Variants in NTM observed in about 807,000 individuals in gnomAD.
NTM encodes the protein neurotrimin, also known as IgLON family member 2.
NTM carries 13 observed loss-of-function variants against 42.1 expected under a neutral mutation model. The ratio of observed to expected loss-of-function variants is 0.31; its 90% CI spans 0.20 to 0.49. The LOEUF (loss-of-function observed/expected upper bound fraction) is 0.49. Among genes scored for constraint, NTM ranks in the 20% least tolerant of loss-of-function variants. The pLI, the probability that NTM is intolerant of heterozygous loss-of-function variation, is 0.99. For synonymous variants in NTM, 187 were observed against 179.2 expected (o/e 1.04, Z -0.35); for missense variants, 373 against 452.8 (o/e 0.82, Z 1.60).
intron 1 of NTM, chr11:131,537,704 A>C (rs973719549): frequency 2.6e-5 from 4 of 152,332 alleles, no homozygotes; most frequent in African/African-American, 9.6e-5. Flanking sequence ...CTGCAGCTGG[A>C]ATGCTCTACC....
chr11:131,791,441 A>C (rs191470407), intron 1 of NTM, among the ~76,000 whole-genome samples: 4 of 152,244 alleles, frequency 2.6e-5, no homozygotes, highest in African/African-American at 4.8e-5. Flanking sequence ...CAATATATGC[A>C]TACAGAGAAA....
chr11:131,495,946 G>T (rs370019340), intron 1 of NTM, among the ~76,000 whole-genome samples: 2 of 152,210 alleles, frequency 1.3e-5, no homozygotes, highest in South Asian at 2.1e-4. Context: ...AGGATGTTGA[G>T]GGTTTGAAAA....
At chr11:132,236,765 C>T (rs953670323) in intron 4 of NTM, among the ~76,000 whole-genome samples, 4 of 152,200 alleles carry the variant, frequency 2.6e-5, no homozygotes, top group Non-Finnish European at 5.9e-5. Flanking sequence ...GCCACTCTCA[C>T]CCGTGGCAGT....
intron 2 of NTM, among the ~76,000 whole-genome samples, chr11:132,124,354 A>G (rs928284121): frequency 5.3e-5 from 8 of 152,154 alleles, no homozygotes; most frequent in African/African-American, 1.7e-4. Flanking sequence ...CTCAGTCTGC[A>G]GGGAGAGACA....
intron 4 of NTM, among the ~76,000 whole-genome samples, chr11:132,229,868 C>G (rs1050179464): frequency 6.6e-6 from 1 of 152,162 alleles, no homozygotes; most frequent in Non-Finnish European, 1.5e-5. Flanking sequence ...AGCCATTCAC[C>G]CTCTTTTGCC....
intron 1 of NTM, among the ~76,000 whole-genome samples, chr11:131,803,407 C>G (rs888280063): frequency 6.6e-6 from 1 of 151,742 alleles, no homozygotes; most frequent in Admixed American, 6.6e-5. Context: ...CTCCTGGGTT[C>G]AAGCAATTCT....
intron 1 of NTM, among the ~76,000 whole-genome samples, chr11:131,681,200 A>AGC (rs1565416756): frequency 3.5e-4 from 9 of 25,440 alleles, no homozygotes; most frequent in South Asian, 1.7e-3. Flanking sequence ...TGTGTATGTG[A>AGC]GTGTGTGTTT....
intron 1 of NTM, among the ~76,000 whole-genome samples, chr11:131,542,842 C>T (rs2053460868): frequency 6.6e-6 from 1 of 152,146 alleles, no homozygotes; most frequent in Admixed American, 6.5e-5. Context: ...AGTCTTTGTC[C>T]CACGTGAGAG....
chr11:131,424,506 AC>A (rs1228223109), intron 1 of NTM, among the ~76,000 whole-genome samples: 1 of 151,302 alleles, frequency 6.6e-6, no homozygotes, highest in African/African-American at 2.4e-5. Context: ...GATCTGATTG[AC>A]CTGTGAAGCA....
intron 4 of NTM, chr11:132,306,243 T>C (rs973089086): frequency 2.6e-5 from 4 of 152,204 alleles, no homozygotes; most frequent in Non-Finnish European, 4.4e-5. Context: ...ACACATACAA[T>C]CATCCCTTAC....
At chr11:131,814,204 C>A (rs1031788773) in intron 1 of NTM, among the ~76,000 whole-genome samples, 2 of 152,176 alleles carry the variant, frequency 1.3e-5, no homozygotes, top group Non-Finnish European at 2.9e-5. Context: ...GGTCCCTATT[C>A]TCTGCTGGCC....
At chr11:131,861,807 G>T (rs541267525) in intron 1 of NTM, among the ~76,000 whole-genome samples, 7 of 152,330 alleles carry the variant, frequency 4.6e-5, no homozygotes, top group Admixed American at 1.3e-4. Flanking sequence ...AGTGCTACCA[G>T]CTGGTGCAGA....
At chr11:131,864,302 T>C (rs185704532) in intron 1 of NTM, among the ~76,000 whole-genome samples, 129 of 151,994 alleles carry the variant, frequency 8.5e-4, no homozygotes, top group Admixed American at 1.8e-3. Context: ...CTTTGCTTAA[T>C]GCGGGCTTCT....
chr11:131,943,925 A>T (rs2060076351), intron 2 of NTM, among the ~76,000 whole-genome samples: 1 of 151,564 alleles, frequency 6.6e-6, no homozygotes, highest in Non-Finnish European at 1.5e-5. Context: ...CTAAAAGGAA[A>T]AAAAAAAATA....
intron 2 of NTM, among the ~76,000 whole-genome samples, chr11:132,004,412 A>C (rs571842966): frequency 6.6e-6 from 1 of 152,256 alleles, no homozygotes; most frequent in South Asian, 2.1e-4. Context: ...ATCCCTGTGC[A>C]AATGCATTTT....
chr11:131,850,710 G>A (rs1293291425), intron 1 of NTM, among the ~76,000 whole-genome samples: 1 of 152,298 alleles, frequency 6.6e-6, no homozygotes, highest in African/African-American at 2.4e-5. Context: ...GTGACGACAA[G>A]GTCACCAGGT....
intron 4 of NTM, among the ~76,000 whole-genome samples, chr11:132,282,976 C>CTTTTTTTTTTTTTTCTTTTTTTTTTTTT (rs2094044309): frequency 9.2e-6 from 1 of 109,012 alleles, no homozygotes; most frequent in Non-Finnish European, 1.8e-5. Flanking sequence ...TCCTTTATTC[C>CTTTTTTTTTTTTTTCTTTTTTTTTTTTT]TTTTTTTTTT....
chr11:131,683,500 G>GGGA (rs1245788826), intron 1 of NTM, among the ~76,000 whole-genome samples: 4 of 152,340 alleles, frequency 2.6e-5, no homozygotes, highest in African/African-American at 9.6e-5. Flanking sequence ...GGAGGTGAAG[G>GGGA]GGAGGAGGCA....
Position 131,552,565 on chromosome 11 carries a change from C to T in NTM, c.82+181677C>T, listed in dbSNP as rs146725593. On this transcript the variant is annotated intron_variant, in intron 1 of 8. Transcript: ENST00000683400. The stretch of plus-strand genomic sequence containing the variant: ...GCGCGGTGGCTCACAACTGTAATCC[C>T]AGCACTTTGGGAGGCTGAGGCAGGT... 6.8e-3 allele frequency among the ~76,000 whole-genome samples: 1,005 copies of T among 148,000 alleles called. 38 individuals carry two copies. In the East Asian group the frequency reaches 0.1, roughly 15 times the overall value.
Sources: gnomAD v4.1 joint callset for allele counts (sites outside exome capture counted in the v4.1 genomes callset) on GRCh38, gnomAD v4.1.1 for gene constraint, MANE v1.5 for transcripts, NCBI Gene and HGNC (gene_info 2026-07-23, HGNC 2026-07-21) for gene names.